The following LRRTM4 variants were observed in gnomAD, a reference collection of about 807,000 sequenced individuals.
The protein encoded by LRRTM4 is leucine rich repeat transmembrane neuronal 4.
LRRTM4 carries 25 observed loss-of-function variants against 47.6 expected under a neutral mutation model. The ratio of observed to expected loss-of-function variants is 0.53; its 90% confidence interval spans 0.38 to 0.73. The LOEUF (loss-of-function observed/expected upper bound fraction) is 0.73, where lower values mean the gene tolerates loss of function less well. Ranked by LOEUF, LRRTM4 falls within the 30% of genes least tolerant of loss-of-function variation. LRRTM4 has a pLI of 0.00. For synonymous variants in LRRTM4, 311 were observed against 269.5 expected, an observed-to-expected ratio of 1.15 and a Z score of -1.51; for missense variants, 638 against 713.4, an observed-to-expected ratio of 0.89 and a Z score of 1.20.
intron 3 of LRRTM4, among the ~76,000 whole-genome samples, chr2:77,432,342 C>T (rs1238846168): frequency 3.9e-5 from 6 of 152,134 alleles, no homozygotes; most frequent in Non-Finnish European, 7.4e-5. Context: ...ACTGTTACAT[C>T]GTCGATTAGC....
chr2:77,275,881 A>T (rs1194324294), intron 3 of LRRTM4, among the ~76,000 whole-genome samples: 1 of 152,108 alleles, frequency 6.6e-6, no homozygotes, highest in Non-Finnish European at 1.5e-5. Context: ...CTGGGGAAAA[A>T]TGTTAAAGTA....
chr2:77,388,593 G>A (rs966312400), intron 3 of LRRTM4, among the ~76,000 whole-genome samples: 2 of 151,544 alleles, frequency 1.3e-5, no homozygotes, highest in African/African-American at 2.4e-5. Context: ...TATTTATTTT[G>A]ATTACCATTA....
chr2:77,095,746 G>A (rs895896787), intron 3 of LRRTM4, among the ~76,000 whole-genome samples: 5 of 152,118 alleles, frequency 3.3e-5, no homozygotes, highest in African/African-American at 1.2e-4. Context: ...CTGACCTTCA[G>A]GTCAGATCCA....
chr2:76,824,849 A>T (rs775426738), intron 3 of LRRTM4, among the ~76,000 whole-genome samples: 8 of 151,616 alleles, frequency 5.3e-5, no homozygotes, highest in South Asian at 2.1e-4. Flanking sequence ...AAAGCACAGG[A>T]TGGAACTCTT....
rs193278864 is a variant in LRRTM4, at chr2:77,088,225, G to A, written c.1552-339309C>T. ...ATATACTTCCAGGTGGCACATAAAT[G>A]GGTATCACACAGAACAGCCTGAAGC... On this transcript the variant is annotated intron_variant, in intron 3 of 3. Coordinates refer to ENST00000409884, the MANE Select transcript of LRRTM4 (RefSeq NM_001134745.3). 1.9e-4 allele frequency among the ~76,000 whole-genome samples: 29 copies of A among 152,258 alleles called. 2 individuals are homozygous for A. The East Asian group carries it at 2.3e-3, about 12-fold the overall frequency.
intron 3 of LRRTM4, among the ~76,000 whole-genome samples, chr2:77,351,623 T>C (rs1671781781): frequency 6.8e-6 from 1 of 148,128 alleles, no homozygotes; most frequent in African/African-American, 2.5e-5. Flanking sequence ...TTTATATATA[T>C]ATATATATAT....
At chr2:77,345,697 G>A (rs1671534964) in intron 3 of LRRTM4, among the ~76,000 whole-genome samples, 1 of 151,918 alleles carries the variant, frequency 6.6e-6, no homozygotes, top group South Asian at 2.1e-4. Context: ...TGCATTGCAG[G>A]TGGGAATGCA....
intron 3 of LRRTM4, among the ~76,000 whole-genome samples, chr2:76,889,814 G>A (rs1260108456): frequency 6.6e-6 from 1 of 151,858 alleles, no homozygotes; most frequent in African/African-American, 2.4e-5. Context: ...TAATAGAGTA[G>A]AGAGAAAGAA....
chr2:77,202,002 T>C (rs184765252), intron 3 of LRRTM4, among the ~76,000 whole-genome samples: 108 of 152,286 alleles, frequency 7.1e-4, no homozygotes, highest in Middle Eastern at 3.4e-3. Flanking sequence ...GTAATGAGTC[T>C]AGGCTTTCTT....
chr2:77,313,680 A>G (rs972569693), intron 3 of LRRTM4, among the ~76,000 whole-genome samples: 19 of 152,216 alleles, frequency 1.2e-4, no homozygotes, highest in African/African-American at 4.3e-4. Context: ...TGTTATGATC[A>G]TCTGTGTGGT....
chr2:77,182,731 G>A (rs1418857130), intron 3 of LRRTM4, among the ~76,000 whole-genome samples: 2 of 151,996 alleles, frequency 1.3e-5, no homozygotes, highest in Admixed American at 1.3e-4. Flanking sequence ...GGTGAGAGAG[G>A]GCATCCCTGC....
At chr2:77,488,627 G>A (rs1678018845) in intron 3 of LRRTM4, among the ~76,000 whole-genome samples, 1 of 152,172 alleles carries the variant, frequency 6.6e-6, no homozygotes, top group East Asian at 1.9e-4. Context: ...ATATTTGCAG[G>A]TTTATCAAGG....
chr2:77,052,658 A>G (rs1051867822), intron 3 of LRRTM4, among the ~76,000 whole-genome samples: 1 of 152,034 alleles, frequency 6.6e-6, no homozygotes, highest in African/African-American at 2.4e-5. Context: ...AGGTTTTATT[A>G]TAACATTTTA....
At chr2:76,885,371 T>G (rs891252767) in intron 3 of LRRTM4, among the ~76,000 whole-genome samples, 1 of 151,954 alleles carries the variant, frequency 6.6e-6, no homozygotes, top group Non-Finnish European at 1.5e-5. Context: ...TAGCATGTGC[T>G]CAATATATGA....
rs1256645834 is a variant in LRRTM4 at position 76,873,518 on chromosome 2, A to G, written c.1552-124602T>C. ...TATATATATGTGTGTATATATATAT[A>G]TATATATATATATATACAACATAGT... On this transcript the variant is annotated intron_variant, in intron 3 of 3. Transcript: ENST00000409884. Among the ~76,000 whole-genome samples, 7 of 145,740 alleles carry G rather than the reference A, an allele frequency of 4.8e-5. No homozygotes were observed. The South Asian group carries it at 1.5e-3, about 31-fold the overall frequency.
At chr2:77,109,013 T>C (rs1353462894) in intron 3 of LRRTM4, among the ~76,000 whole-genome samples, 1 of 152,118 alleles carries the variant, frequency 6.6e-6, no homozygotes, top group Admixed American at 6.6e-5. Context: ...ACATATACAC[T>C]AAAATAAATA....
intron 3 of LRRTM4, among the ~76,000 whole-genome samples, chr2:76,984,248 T>C (rs1343854970): frequency 6.6e-6 from 1 of 152,166 alleles, no homozygotes; most frequent in East Asian, 1.9e-4. Flanking sequence ...TAATAGCAAT[T>C]GCTTTTTTAT....
chr2:76,955,724 C>T (rs1239918307), intron 3 of LRRTM4, among the ~76,000 whole-genome samples: 1 of 151,686 alleles, frequency 6.6e-6, no homozygotes, highest in African/African-American at 2.4e-5. Flanking sequence ...GATGCAGGAT[C>T]TCACCTTTCA....
chr2:76,980,027 C>T (rs1033854380), intron 3 of LRRTM4, among the ~76,000 whole-genome samples: 8 of 152,062 alleles, frequency 5.3e-5, no homozygotes, highest in Admixed American at 4.6e-4. Context: ...CCAAGTTCAG[C>T]CAATCCTACC....
Sources: gnomAD v4.1 joint callset for allele counts (sites outside exome capture counted in the v4.1 genomes callset) on GRCh38, gnomAD v4.1.1 for gene constraint, MANE v1.5 for transcripts, NCBI Gene and HGNC (gene_info 2026-07-23, HGNC 2026-07-21) for gene names.